PDE7B: variants seen among roughly 807,000 people sequenced by gnomAD.
The protein encoded by PDE7B is phosphodiesterase 7B.
In PDE7B, 29 loss-of-function variants were observed where a neutral mutation model predicts 56.2. That is an observed-to-expected ratio of 0.52 (90% CI 0.38 to 0.70). The LOEUF is 0.70. Ranked by LOEUF, PDE7B falls within the 30% of genes least tolerant of loss-of-function variation. PDE7B has a pLI of 0.00. For missense variants in PDE7B, 490 were observed against 565.0 expected, an observed-to-expected ratio of 0.87 and a Z score of 1.35; for synonymous variants, 197 against 196.9, an observed-to-expected ratio of 1.00 and a Z score of 0.00.
intron 1 of PDE7B, among the ~76,000 whole-genome samples, chr6:135,897,949 T>C (rs1775932566): frequency 6.6e-6 from 1 of 152,152 alleles, no homozygotes; most frequent in Non-Finnish European, 1.5e-5. Flanking sequence ...GCTGCTGCTG[T>C]TCCAGACATC....
At chr6:135,956,551 G>A (rs1774797820) in intron 2 of PDE7B, among the ~76,000 whole-genome samples, 1 of 152,140 alleles carries the variant, frequency 6.6e-6, no homozygotes, top group Non-Finnish European at 1.5e-5. Flanking sequence ...GGCCAAGGCA[G>A]GCAGATCACT....
intron 1 of PDE7B, among the ~76,000 whole-genome samples, chr6:135,943,532 A>G (rs1774542423): frequency 6.6e-6 from 1 of 152,240 alleles, no homozygotes; most frequent in South Asian, 2.1e-4. Context: ...ACATCCAGTA[A>G]GCTGTCAACA....
intron 2 of PDE7B, among the ~76,000 whole-genome samples, chr6:135,995,970 A>T (rs1201869897): frequency 6.6e-6 from 1 of 152,166 alleles, no homozygotes. Context: ...ATGGATACAC[A>T]CATGCACACA....
intron 1 of PDE7B, among the ~76,000 whole-genome samples, chr6:135,937,685 G>A (rs1452399913): frequency 6.6e-6 from 1 of 152,112 alleles, no homozygotes; most frequent in African/African-American, 2.4e-5. Flanking sequence ...ATCTAGGTTG[G>A]TTCTTCCCGC....
chr6:135,993,268 C>G (rs1335410602), intron 2 of PDE7B: 1 of 152,234 alleles, frequency 6.6e-6, no homozygotes, highest in East Asian at 1.9e-4. Flanking sequence ...TCTTAGCATT[C>G]CGCAATAGAG....
intron 4 of PDE7B, 40 bp from the exon 5 acceptor site, chr6:136,149,045 AGT>A (rs1778467372): frequency 1.5e-6 from 2 of 1,364,166 alleles, no homozygotes; most frequent in African/African-American, 1.4e-5. Context: ...TTGAGTCTCC[AGT>A]GTGATTCATT....
intron 3 of PDE7B, among the ~76,000 whole-genome samples, chr6:136,126,943 T>C (rs57078414): frequency 0.041 from 6,209 of 152,218 alleles, 417 homozygotes; most frequent in African/African-American, 0.14. Flanking sequence ...CCCAATAACC[T>C]ATGGAAATAA....
intron 2 of PDE7B, among the ~76,000 whole-genome samples, chr6:136,080,035 C>T (rs1264508670): frequency 6.6e-6 from 1 of 152,112 alleles, no homozygotes; most frequent in African/African-American, 2.4e-5. Context: ...TGCAGTTCCT[C>T]TAGATCTTAC....
intron 3 of PDE7B, among the ~76,000 whole-genome samples, chr6:136,137,410 G>A (rs1778229584): frequency 1.3e-5 from 2 of 152,132 alleles, no homozygotes; most frequent in African/African-American, 4.8e-5. Context: ...CAGTTGGACT[G>A]ATGCTCGAAA....
At chr6:135,916,231 GT>G (rs539528421) in intron 1 of PDE7B, among the ~76,000 whole-genome samples, 1,705 of 152,094 alleles carry the variant, frequency 0.011, 26 homozygotes, top group African/African-American at 0.039. Flanking sequence ...TGTTGTTGTT[GT>G]TGTTGTGTTA....
At chr6:135,855,145 G>A (rs539231093) in intron 1 of PDE7B, among the ~76,000 whole-genome samples, 7 of 152,112 alleles carry the variant, frequency 4.6e-5, no homozygotes, top group African/African-American at 1.2e-4. Context: ...AACTGGTTGC[G>A]CTGGGTTATC....
intron 2 of PDE7B, among the ~76,000 whole-genome samples, chr6:136,096,656 T>G (rs1441785220): frequency 1.3e-5 from 2 of 151,874 alleles, no homozygotes; most frequent in Non-Finnish European, 2.9e-5. Flanking sequence ...TTAATAATAT[T>G]TTTAGAAATT....
intron 2 of PDE7B, among the ~76,000 whole-genome samples, chr6:136,030,341 A>G (rs1463855179): frequency 2.0e-5 from 3 of 152,250 alleles, no homozygotes; most frequent in African/African-American, 7.2e-5. Flanking sequence ...TGCTTCTGGC[A>G]TCATTTTCCC....
rs570744165 is a variant in PDE7B, at chr6:136,172,382, T to C, written c.712-1415T>C. ...GTGGTTTTGATTTGCATTTCTCTGA[T>C]GGCCAGTGATGGTGAGCATTTATTC... On this transcript the variant is annotated intron_variant, in intron 8 of 12. Coordinates refer to ENST00000308191, the MANE Select transcript of PDE7B (RefSeq NM_018945.4). 2.4e-3 allele frequency among the ~76,000 whole-genome samples: 369 copies of C among 152,378 alleles called. 1 individual carries two copies. The highest frequency in any genetic ancestry group is 8.7e-3 in the African/African-American group (361 of 41,592).
intron 6 of PDE7B, among the ~76,000 whole-genome samples, chr6:136,151,954 A>G (rs1778527128): frequency 6.6e-6 from 1 of 152,070 alleles, no homozygotes. Flanking sequence ...ATAAATAAAT[A>G]AATAAATAAA....
At chr6:135,893,244 G>A (rs962733569) in intron 1 of PDE7B, among the ~76,000 whole-genome samples, 11 of 117,244 alleles carry the variant, frequency 9.4e-5, no homozygotes, top group African/African-American at 3.5e-4. Flanking sequence ...ACAGGCCCCA[G>A]TGTGTGATGT....
intron 2 of PDE7B, among the ~76,000 whole-genome samples, chr6:135,956,856 AAAAG>A (rs1488755041): frequency 1.3e-5 from 2 of 151,806 alleles, no homozygotes; most frequent in Non-Finnish European, 2.9e-5. Context: ...AAGAAAGAAG[AAAAG>A]AAAGAAAGCA....
At chr6:136,127,560 A>G (rs1361642633) in intron 3 of PDE7B, among the ~76,000 whole-genome samples, 2 of 152,198 alleles carry the variant, frequency 1.3e-5, no homozygotes, top group African/African-American at 4.8e-5. Flanking sequence ...ATTAACCACA[A>G]AGTTTCTCTT....
At chr6:136,107,778 C>T (rs1226795907) in intron 2 of PDE7B, among the ~76,000 whole-genome samples, 1 of 152,074 alleles carries the variant, frequency 6.6e-6, no homozygotes, top group Non-Finnish European at 1.5e-5. Flanking sequence ...CATTACCTCC[C>T]CTGATGAGAA....
Sources: allele counts gnomAD v4.1 joint callset (sites outside exome capture counted in the v4.1 genomes callset), GRCh38; gene constraint gnomAD v4.1.1; transcripts MANE v1.5; gene names NCBI Gene and HGNC (gene_info 2026-07-23, HGNC 2026-07-21).